The following ELFN1 variants were observed in gnomAD, a reference collection of about 807,000 sequenced individuals.
The protein encoded by ELFN1 is extracellular leucine rich repeat and fibronectin type III domain containing 1, also known as protein ELFN1.
ELFN1 carries 6 observed loss-of-function variants against 7.6 expected under a neutral mutation model. The observed-to-expected ratio is 0.79, with a 90% CI of 0.43 to 1.56. The LOEUF (loss-of-function observed/expected upper bound fraction) is 1.56, where lower values mean the gene tolerates loss of function less well. Among genes scored for constraint, ELFN1 ranks in the 40% most tolerant of loss-of-function variants. The pLI, the probability that ELFN1 is intolerant of heterozygous loss-of-function variation, is 0.01. For synonymous variants in ELFN1, 657 were observed against 588.1 expected, an observed-to-expected ratio of 1.12 and a Z score of -1.70; for missense variants, 1,169 against 1,232.2, an observed-to-expected ratio of 0.95 and a Z score of 0.77.
intron 1 of ELFN1, among the ~76,000 whole-genome samples, chr7:1,685,827 C>T (rs944590667): frequency 4.1e-4 from 61 of 147,418 alleles, no homozygotes; most frequent in Middle Eastern, 3.6e-3. Flanking sequence ...AATATATAAA[C>T]CATCTTTATG....
At chr7:1,707,823 A>G (rs968061681) in intron 2 of ELFN1, among the ~76,000 whole-genome samples, 3 of 151,980 alleles carry the variant, frequency 2.0e-5, no homozygotes, top group Non-Finnish European at 2.9e-5. Flanking sequence ...TCACTCATCT[A>G]TTTGCACACA....
intron 2 of ELFN1, among the ~76,000 whole-genome samples, chr7:1,689,538 C>T (rs1779117832): frequency 6.6e-6 from 1 of 152,208 alleles, no homozygotes; most frequent in South Asian, 2.1e-4. Context: ...CTGGGCAGGC[C>T]TGGTTCCACC....
chr7:1,674,843 C>T (rs897684090), intron 1 of ELFN1, among the ~76,000 whole-genome samples: 5 of 152,102 alleles, frequency 3.3e-5, no homozygotes, highest in South Asian at 4.1e-4. Flanking sequence ...CACAGCCGGG[C>T]GGGAAACATC....
At chr7:1,722,213 C>T (rs1269721123) in intron 3 of ELFN1, among the ~76,000 whole-genome samples, 2 of 151,216 alleles carry the variant, frequency 1.3e-5, no homozygotes, top group Non-Finnish European at 2.9e-5. Flanking sequence ...TTGGAAGCCT[C>T]TTTTTCTAAA....
In ELFN1 at chr7:1,710,510, C is replaced by A. The variant is rs113754922; in HGVS notation, c.-294+1258C>A. Among the ~76,000 whole-genome samples, 487 of 152,352 alleles carry A rather than the reference C, an allele frequency of 3.2e-3. 1 individual carries two copies. Among genetic ancestry groups the A allele is most frequent in the Non-Finnish European group, 5.5e-3 (372 of 68,038 alleles). ...CAGGACTTGGTAGGGAGGGGTTCCA[C>A]GCACAGCATTGGCCCTGCCAACAGC... On this transcript the variant is annotated intron_variant, in intron 3 of 3. Coordinates refer to ENST00000424383, the MANE Select transcript of ELFN1 (RefSeq NM_001128636.4).
In ELFN1 at chr7:1,686,806, A is replaced by G. The variant is rs568149309; in HGVS notation, c.-548-1252A>G. Among the ~76,000 whole-genome samples, 4 of 152,000 alleles carry G rather than the reference A, an allele frequency of 2.6e-5. No individual in the cohort carries two copies. In the South Asian group the frequency reaches 8.3e-4, roughly 32 times the overall value. Reference sequence around the variant, plus strand: ...TGTCCCCTGTGTATGTGTGGTACCCATCCACTGGGCACATGTGGAAGGCTT... The same window carrying G: ...TGTCCCCTGTGTATGTGTGGTACCCGTCCACTGGGCACATGTGGAAGGCTT... On this transcript the variant is annotated intron_variant, in intron 1 of 3. Transcript: ENST00000424383.
intron 2 of ELFN1, among the ~76,000 whole-genome samples, chr7:1,702,020 T>A (rs1248317750): frequency 6.6e-6 from 1 of 152,160 alleles, no homozygotes; most frequent in Non-Finnish European, 1.5e-5. Context: ...GGCTGCCTCT[T>A]GGGTCAGTTT....
At position 1,740,274 on chromosome 7, in the gene ELFN1, A is replaced by G. The variant is rs549037660; in HGVS notation, c.-293-4030A>G. 3.9e-5 allele frequency among the ~76,000 whole-genome samples: 6 copies of G among 152,188 alleles called. No homozygotes were observed. In the South Asian group the frequency reaches 6.2e-4, roughly 16 times the overall value. On this transcript the variant is annotated intron_variant, in intron 3 of 3. Transcript: ENST00000424383. This position sits in a 1 kb window ranked among gnomAD's most constrained non-coding sequence, Gnocchi z 5.0. ...GGAGCCGCCCTCCTGAGGGATGCCT[A>G]TTGCCCTCCCTGGGGCCTTGTGGTC...
chr7:1,684,436 A>G (rs912160488), intron 1 of ELFN1, among the ~76,000 whole-genome samples: 1 of 151,996 alleles, frequency 6.6e-6, no homozygotes, highest in African/African-American at 2.4e-5. Flanking sequence ...TCTGCTTTTT[A>G]TTTGGTCTGT....
chr7:1,718,905 A>C (rs1288913926), intron 3 of ELFN1, among the ~76,000 whole-genome samples: 1 of 152,080 alleles, frequency 6.6e-6, no homozygotes, highest in Non-Finnish European at 1.5e-5. Context: ...CTTCCTGAGA[A>C]TCTCACCTCC....
At chr7:1,667,482 C>T (rs1583299094), upstream of ELFN1, among the ~76,000 whole-genome samples, 2 of 152,252 alleles carry the variant, frequency 1.3e-5, no homozygotes, top group East Asian at 3.9e-4. The surrounding 1 kb of genome is among the most constrained non-coding windows in gnomAD (Gnocchi z 8.2). Context: ...AAGCAGCGTC[C>T]CGGCGTCCCC....
chr7:1,684,020 C>T (rs1248691116), intron 1 of ELFN1, among the ~76,000 whole-genome samples: 2 of 152,012 alleles, frequency 1.3e-5, no homozygotes, highest in African/African-American at 2.4e-5. Context: ...CATGGTTGTG[C>T]ACACCTGTAG....
intron 3 of ELFN1, among the ~76,000 whole-genome samples, chr7:1,729,491 G>C (rs1055178625): frequency 3.9e-5 from 6 of 152,236 alleles, no homozygotes; most frequent in African/African-American, 1.4e-4. Context: ...TCACAGCAGG[G>C]TGCTGGGAAA....
chr7:1,686,908 C>A (rs1355725878), intron 1 of ELFN1, among the ~76,000 whole-genome samples: 1 of 152,062 alleles, frequency 6.6e-6, no homozygotes, highest in Non-Finnish European at 1.5e-5. Flanking sequence ...TGTATTGCTG[C>A]CCCAGTCAGG....
intron 3 of ELFN1, among the ~76,000 whole-genome samples, chr7:1,733,319 C>T (rs1029147250): frequency 2.0e-5 from 3 of 152,140 alleles, no homozygotes; most frequent in African/African-American, 4.8e-5. Context: ...ATGGTGTGAC[C>T]GTGTGAGCGA....
chr7:1,712,937 C>T (rs576773800), intron 3 of ELFN1, among the ~76,000 whole-genome samples: 22 of 152,160 alleles, frequency 1.4e-4, no homozygotes, highest in Admixed American at 3.9e-4. Flanking sequence ...ATGTGTAGAC[C>T]GCCTGGCATC....
At chr7:1,667,592 C>A (rs1323601202), upstream of ELFN1, among the ~76,000 whole-genome samples, 1 of 152,168 alleles carries the variant, frequency 6.6e-6, no homozygotes, top group Non-Finnish European at 1.5e-5. The surrounding 1 kb of genome is among the most constrained non-coding windows in gnomAD (Gnocchi z 8.2). Flanking sequence ...ATTTGAGGAT[C>A]TGGGGGACGG....
chr7:1,702,300 T>G (rs1779444231), intron 2 of ELFN1, among the ~76,000 whole-genome samples: 1 of 151,868 alleles, frequency 6.6e-6, no homozygotes, highest in Non-Finnish European at 1.5e-5. Context: ...GGCGGGTGCC[T>G]GTAGTCCCAG....
At chr7:1,736,404 G>A (rs374562838) in intron 3 of ELFN1, among the ~76,000 whole-genome samples, 18 of 152,296 alleles carry the variant, frequency 1.2e-4, no homozygotes, top group South Asian at 6.2e-4. Flanking sequence ...TTAAATGATC[G>A]AGACGAGGAA....
Sources: allele counts gnomAD v4.1 joint callset (sites outside exome capture counted in the v4.1 genomes callset), GRCh38; gene constraint gnomAD v4.1.1; non-coding constraint Gnocchi (gnomAD v3.1); transcripts MANE v1.5; gene names NCBI Gene and HGNC (gene_info 2026-07-23, HGNC 2026-07-21).